Variants in FTO observed in about 807,000 individuals in gnomAD.
The protein encoded by FTO is alpha-ketoglutarate-dependent dioxygenase FTO.
Under a neutral mutation model 63.9 loss-of-function variants are expected in FTO, and 47 were observed. The observed-to-expected ratio is 0.74, with a 90% CI of 0.58 to 0.94. The LOEUF (loss-of-function observed/expected upper bound fraction) is 0.94. Ranked by LOEUF, FTO falls within the 40% of genes least tolerant of loss-of-function variation. The probability of loss-of-function intolerance (pLI) is 0.00; values close to 1 mark genes in which losing one functional copy is unlikely to be tolerated. For synonymous variants in FTO, 207 were observed against 224.4 expected (o/e 0.92, Z 0.69); for missense variants, 562 against 618.1 (o/e 0.91, Z 0.96).
At chr16:54,102,180 C>A (rs1022947867) in intron 8 of FTO, among the ~76,000 whole-genome samples, 4 of 152,128 alleles carry the variant, frequency 2.6e-5, no homozygotes, top group African/African-American at 9.7e-5. Context: ...TCCTACTTAT[C>A]AACTTTTGCT....
At chr16:53,756,958 C>T (rs2151588203) in intron 1 of FTO, among the ~76,000 whole-genome samples, 1 of 152,166 alleles carries the variant, frequency 6.6e-6, no homozygotes, top group East Asian at 1.9e-4. Flanking sequence ...AATCTGAAAG[C>T]AAGTTTTGTA....
intron 8 of FTO, among the ~76,000 whole-genome samples, chr16:54,018,445 C>T (rs1417136767): frequency 6.6e-6 from 1 of 152,112 alleles, no homozygotes; most frequent in Non-Finnish European, 1.5e-5. Flanking sequence ...TACATACATA[C>T]ATACATTCAT....
At chr16:54,080,735 G>A (rs1380824619) in intron 8 of FTO, among the ~76,000 whole-genome samples, 1 of 152,210 alleles carries the variant, frequency 6.6e-6, no homozygotes, top group African/African-American at 2.4e-5. Context: ...TGTCGTTACT[G>A]TTGTCCTGTT....
chr16:53,827,752 C>A (rs1480822148), intron 3 of FTO, among the ~76,000 whole-genome samples: 1 of 152,256 alleles, frequency 6.6e-6, no homozygotes, highest in African/African-American at 2.4e-5. Flanking sequence ...CTAAGAAAAT[C>A]GCTTGAAGGG....
intron 8 of FTO, among the ~76,000 whole-genome samples, chr16:54,036,299 T>A (rs143451844): frequency 2.4e-4 from 36 of 152,324 alleles, no homozygotes; most frequent in African/African-American, 6.3e-4. Flanking sequence ...AGCTTCCATG[T>A]TGCCTATCTC....
chr16:54,094,755 C>G (rs1210057011), intron 8 of FTO, among the ~76,000 whole-genome samples: 1 of 152,120 alleles, frequency 6.6e-6, no homozygotes, highest in Non-Finnish European at 1.5e-5. Context: ...AGGACGCCAC[C>G]GAAGAGGCGT....
At chr16:53,944,034 T>A (rs981449269) in intron 8 of FTO, among the ~76,000 whole-genome samples, 1 of 152,208 alleles carries the variant, frequency 6.6e-6, no homozygotes, top group Non-Finnish European at 1.5e-5. Flanking sequence ...ACCTATCTCA[T>A]AGGTGTTGGG....
chr16:53,926,722 A>G (rs1425590590), intron 7 of FTO, among the ~76,000 whole-genome samples: 1 of 152,234 alleles, frequency 6.6e-6, no homozygotes, highest in Non-Finnish European at 1.5e-5. Flanking sequence ...AGTATAGTAT[A>G]GAATAGCCAT....
At chr16:53,851,965 C>T (rs2079811789) in intron 4 of FTO, among the ~76,000 whole-genome samples, 1 of 151,980 alleles carries the variant, frequency 6.6e-6, no homozygotes, top group Admixed American at 6.6e-5. Flanking sequence ...TATACTTGTA[C>T]TTTTATTTCT....
intron 1 of FTO, among the ~76,000 whole-genome samples, chr16:53,760,630 T>C (rs2077044146): frequency 6.8e-6 from 1 of 147,774 alleles, no homozygotes; most frequent in South Asian, 2.2e-4. Context: ...TCTTTTTTTT[T>C]TTTTTTTTTT....
intron 3 of FTO, among the ~76,000 whole-genome samples, chr16:53,841,782 G>A (rs1000492721): frequency 5.3e-5 from 8 of 152,176 alleles, no homozygotes; most frequent in Non-Finnish European, 5.9e-5. Context: ...ACAGCCCAGG[G>A]AAAACATGCT....
chr16:53,872,080 G>A (rs1214347963), intron 4 of FTO, among the ~76,000 whole-genome samples: 1 of 152,128 alleles, frequency 6.6e-6, no homozygotes, highest in Non-Finnish European at 1.5e-5. Context: ...TGGGACTAGA[G>A]CAGCCTTTAA....
At chr16:54,062,982 C>A (rs1469324250) in intron 8 of FTO, among the ~76,000 whole-genome samples, 3 of 152,242 alleles carry the variant, frequency 2.0e-5, no homozygotes, top group African/African-American at 7.2e-5. Context: ...TGCACACATG[C>A]GCCCCCGAGG....
chr16:54,111,823 T>G lies in FTO; in HGVS notation c.1426T>G (p.Trp476Gly), dbSNP rs2086895926. ...ADQKPECRPYWEKDDASMPLP... is the reference protein window; with the variant it reads ...ADQKPECRPYGEKDDASMPLP... ...TCAGAAGCCAGAATGTCGGCCATAC[T>G]GGGAAAAGGATGATGCTTCGATGCC... Residue 476 changes from tryptophan (W) to glycine (G), a missense_variant, in exon 9 of 9, where the codon TGG becomes GGG. By Grantham distance (184) the Trp-to-Gly change is radical. Transcript: ENST00000471389. The G allele has an allele frequency of 6.2e-7, 1 of 1,613,996 alleles. No homozygotes were observed. Among genetic ancestry groups the G allele is most frequent in the Admixed American group, 1.7e-5 (1 of 60,000 alleles).
intron 1 of FTO, among the ~76,000 whole-genome samples, chr16:53,726,804 C>T (rs1049920998): frequency 2.6e-5 from 4 of 152,180 alleles, no homozygotes; most frequent in African/African-American, 7.2e-5. Flanking sequence ...CTCTGACCCT[C>T]CACTTAGTCA....
chr16:53,767,597 AC>A (rs2077241291), intron 1 of FTO, among the ~76,000 whole-genome samples: 1 of 151,886 alleles, frequency 6.6e-6, no homozygotes, highest in African/African-American at 2.4e-5. Flanking sequence ...TTTTTTTTAA[AC>A]AGGGGAAGGT....
At chr16:54,004,713 G>C (rs576127196) in intron 8 of FTO, among the ~76,000 whole-genome samples, 1 of 152,178 alleles carries the variant, frequency 6.6e-6, no homozygotes, top group Non-Finnish European at 1.5e-5. Context: ...CCTCTTTCTT[G>C]GTTTTGATAT....
intron 8 of FTO, among the ~76,000 whole-genome samples, chr16:53,952,007 C>T (rs1334181566): frequency 6.6e-6 from 1 of 152,084 alleles, no homozygotes. Context: ...AGATGCTGAT[C>T]ATCATCATCA....
chr16:53,891,079 C>T (rs1280107824), intron 7 of FTO, among the ~76,000 whole-genome samples: 1 of 151,956 alleles, frequency 6.6e-6, no homozygotes, highest in Non-Finnish European at 1.5e-5. Context: ...CAACCTCCGC[C>T]TCCCGAGTTC....
Sources: gnomAD v4.1 joint callset for allele counts (sites outside exome capture counted in the v4.1 genomes callset) on GRCh38, gnomAD v4.1.1 for gene constraint, MANE v1.5 for transcripts, NCBI Gene and HGNC (gene_info 2026-07-23, HGNC 2026-07-21) for gene names.